Variants in SLC5A4 observed in about 807,000 individuals in gnomAD.
The protein encoded by SLC5A4 is probable glucose sensor protein SLC5A4.
In SLC5A4, 55 loss-of-function variants were observed where a neutral mutation model predicts 70.3. The observed-to-expected ratio is 0.78, with a 90% CI of 0.63 to 0.98. The LOEUF (loss-of-function observed/expected upper bound fraction) is 0.98, where lower values mean the gene tolerates loss of function less well. Ranked by LOEUF, SLC5A4 falls within the 50% of genes least tolerant of loss-of-function variation. The pLI is 0.00. For synonymous variants in SLC5A4, 268 were observed against 305.7 expected (o/e 0.88, Z 1.29); for missense variants, 735 against 839.2 (o/e 0.88, Z 1.53).
At chr22:32,340,020 G>A in the SLC5A4 span, among the ~76,000 whole-genome samples, 1 of 152,234 alleles carries the variant, frequency 6.6e-6, no homozygotes, top group Non-Finnish European at 1.5e-5. Context: ...CTCTCACAGG[G>A]AGAGAAGTAA....
chr22:32,270,690 G>T, the SLC5A4 span: 1 of 691,160 alleles, frequency 1.4e-6, no homozygotes, highest in Admixed American at 2.0e-5. Context: ...TCCACCTGCT[G>T]GAAGGAATGA....
the SLC5A4 span, among the ~76,000 whole-genome samples, chr22:32,309,602 C>T: frequency 6.6e-6 from 1 of 152,138 alleles, no homozygotes; most frequent in South Asian, 2.1e-4. Context: ...ATCACAATGA[C>T]CTGGGGACCC....
chr22:32,330,878 G>A, the SLC5A4 span, among the ~76,000 whole-genome samples: 1 of 132,752 alleles, frequency 7.5e-6, no homozygotes, highest in Non-Finnish European at 1.6e-5. Context: ...AGGGTCTGCT[G>A]TGTAGGAGTG....
intron 7 of SLC5A4, 72 bp downstream of exon 7, chr22:32,237,172 G>T: frequency 9.6e-7 from 1 of 1,040,186 alleles, no homozygotes; most frequent in Non-Finnish European, 1.5e-6. Context: ...CCAATAAAGA[G>T]CAGACAGACC....
chr22:32,311,497 G>A, the SLC5A4 span, among the ~76,000 whole-genome samples: 6 of 152,204 alleles, frequency 3.9e-5, no homozygotes, highest in East Asian at 1.9e-4. Context: ...TAGGTGCCCC[G>A]GGGCAGGAGT....
chr22:32,270,943 C>G, the SLC5A4 span: 3 of 560,390 alleles, frequency 5.4e-6, no homozygotes, highest in South Asian at 4.9e-5. Context: ...CTGAGAGCTG[C>G]CTGAGCGGGG....
At chr22:32,307,447 T>C in the SLC5A4 span, among the ~76,000 whole-genome samples, 295 of 152,234 alleles carry the variant, frequency 1.9e-3, no homozygotes, top group African/African-American at 6.8e-3. Flanking sequence ...ATTTCACAGG[T>C]GGTCCCAGCT....
chr22:32,338,476 T>TC, the SLC5A4 span, among the ~76,000 whole-genome samples: 1 of 151,746 alleles, frequency 6.6e-6, no homozygotes, highest in South Asian at 2.1e-4. Context: ...ACAGTGAACC[T>TC]CCCCCACCAC....
At chr22:32,299,986 C>G in the SLC5A4 span, among the ~76,000 whole-genome samples, 1 of 133,002 alleles carries the variant, frequency 7.5e-6, no homozygotes, top group Admixed American at 7.9e-5. Context: ...GGGTCAGGGA[C>G]CCACTTGAGG....
At chr22:32,281,498 T>C in the SLC5A4 span, among the ~76,000 whole-genome samples, 4 of 152,226 alleles carry the variant, frequency 2.6e-5, no homozygotes, top group Non-Finnish European at 4.4e-5. Context: ...CCAGCATTCA[T>C]GCACCCATTG....
In SLC5A4 at chr22:32,247,424, ACC is replaced by A; in HGVS notation, c.462_463del (p.Val155PhefsTer69). ...CTCTGAACTCACAGAAATTAACAAA[ACC>A]ACACAGATGAAGAGGGAGAGGATGG... On this transcript the variant is annotated frameshift_variant, in exon 5 of 15. Coordinates refer to ENST00000266086, the MANE Select transcript of SLC5A4 (RefSeq NM_014227.3). LOFTEE classifies it high-confidence loss of function. 1 of 1,611,964 alleles carries A rather than the reference ACC, an allele frequency of 6.2e-7. No homozygotes were observed. The highest frequency in any genetic ancestry group is 8.5e-7 in the Non-Finnish European group (1 of 1,178,038).
the SLC5A4 span, chr22:32,269,593 C>A: frequency 1.6e-6 from 1 of 624,270 alleles, no homozygotes; most frequent in Non-Finnish European, 3.1e-6. This position sits in a 1 kb window ranked among gnomAD's most constrained non-coding sequence, Gnocchi z 4.1. Context: ...CACCAGCTAC[C>A]CTTTGACTGC....
At chr22:32,258,567 T>TA (rs987511782), upstream of SLC5A4, among the ~76,000 whole-genome samples, 3 of 151,566 alleles carry the variant, frequency 2.0e-5, no homozygotes, top group East Asian at 1.9e-4. Flanking sequence ...ATAGCTATTA[T>TA]AAAAAAAAGA....
At chr22:32,233,085 A>C (rs1429969711) in intron 8 of SLC5A4, 51 bp from the exon 9 acceptor site, 1 of 1,584,058 alleles carries the variant, frequency 6.3e-7, no homozygotes, top group East Asian at 2.3e-5. Context: ...GATGATTTCA[A>C]AGGCAGTCAG....
At chr22:32,234,700 C>G (rs921315721) in intron 8 of SLC5A4, among the ~76,000 whole-genome samples, 173 bp downstream of exon 8, 1 of 151,976 alleles carries the variant, frequency 6.6e-6, no homozygotes, top group African/African-American at 2.4e-5. Flanking sequence ...AAGACTCCAT[C>G]TCAAAAAAAC....
intron 5 of SLC5A4, among the ~76,000 whole-genome samples, chr22:32,243,626 A>G (rs1258665233): frequency 6.6e-6 from 1 of 152,216 alleles, no homozygotes; most frequent in Non-Finnish European, 1.5e-5. Flanking sequence ...TCACTGGATC[A>G]GGTAGAATCA....
chr22:32,245,335 G>A (rs1395928729), intron 5 of SLC5A4, among the ~76,000 whole-genome samples: 1 of 152,112 alleles, frequency 6.6e-6, no homozygotes, highest in Non-Finnish European at 1.5e-5. Flanking sequence ...CACAGACTCT[G>A]CACAGCCACA....
chr22:32,350,407 C>T, the SLC5A4 span, among the ~76,000 whole-genome samples: 62 of 152,250 alleles, frequency 4.1e-4, no homozygotes, highest in Non-Finnish European at 2.6e-4. Flanking sequence ...AGCTCATGGC[C>T]CCCTTAGAGC....
the SLC5A4 span, among the ~76,000 whole-genome samples, chr22:32,300,189 T>C: frequency 6.6e-5 from 10 of 152,172 alleles, no homozygotes; most frequent in Non-Finnish European, 1.2e-4. Flanking sequence ...CCACCCAGTT[T>C]GAGCTTCCCA....
Sources: allele counts gnomAD v4.1 joint callset (sites outside exome capture counted in the v4.1 genomes callset), GRCh38; gene constraint gnomAD v4.1.1; non-coding constraint Gnocchi (gnomAD v3.1); transcripts MANE v1.5; gene names NCBI Gene and HGNC (gene_info 2026-07-23, HGNC 2026-07-21).